NCMAP: variants seen among roughly 807,000 people sequenced by gnomAD.
NCMAP encodes noncompact myelin-associated protein.
Under a neutral mutation model 7.8 loss-of-function variants are expected in NCMAP, and 8 were observed. That is an observed-to-expected ratio of 1.02 (90% confidence interval 0.60 to 1.84). The LOEUF (loss-of-function observed/expected upper bound fraction) is 1.84. Ranked by LOEUF, NCMAP falls within the 40% of genes most tolerant of loss-of-function variation. NCMAP has a pLI of 0.00. For missense variants in NCMAP, 112 were observed against 131.4 expected (o/e 0.85, Z 0.72); for synonymous variants, 41 against 52.9 (o/e 0.78, Z 0.98).
intron 1 of NCMAP, among the ~76,000 whole-genome samples, chr1:24,575,915 CAAAAAAAAA>C (rs10549961): frequency 1.3e-4 from 10 of 79,544 alleles, no homozygotes; most frequent in African/African-American, 3.9e-4. Context: ...ATTGCACTCT[CAAAAAAAAA>C]AAAAAAAAAA....
intron 1 of NCMAP, among the ~76,000 whole-genome samples, chr1:24,573,413 C>A (rs974202176): frequency 3.3e-5 from 5 of 150,610 alleles, no homozygotes; most frequent in Non-Finnish European, 4.4e-5. Context: ...CATGGCGAAA[C>A]CCTGTCTCTA....
chr1:24,584,376 C>T (rs1462277604), intron 1 of NCMAP, among the ~76,000 whole-genome samples: 5 of 152,218 alleles, frequency 3.3e-5, no homozygotes, highest in Admixed American at 3.3e-4. Flanking sequence ...AGCCTTGTGA[C>T]CACTTTCAGC....
At chr1:24,605,285 T>C (rs185790126) in intron 3 of NCMAP, among the ~76,000 whole-genome samples, 32 of 152,310 alleles carry the variant, frequency 2.1e-4, no homozygotes, top group East Asian at 1.7e-3. Context: ...CTGGAAAATG[T>C]AATACATGCT....
intron 1 of NCMAP, among the ~76,000 whole-genome samples, chr1:24,589,843 G>A (rs1197966999): frequency 6.6e-6 from 1 of 152,096 alleles, no homozygotes; most frequent in Non-Finnish European, 1.5e-5. Flanking sequence ...TTTATTTTGA[G>A]ACAGAGTCTT....
intron 1 of NCMAP, among the ~76,000 whole-genome samples, chr1:24,568,621 GTTA>G (rs1247329934): frequency 1.1e-4 from 17 of 152,250 alleles, no homozygotes; most frequent in African/African-American, 3.9e-4. Flanking sequence ...AGAGGGTCCT[GTTA>G]TTACCTCCAC....
intron 1 of NCMAP, among the ~76,000 whole-genome samples, chr1:24,587,968 G>C (rs897984262): frequency 6.6e-6 from 1 of 151,498 alleles, no homozygotes; most frequent in Admixed American, 6.6e-5. Context: ...TTTTTTTTTA[G>C]GAGTTTAGGA....
chr1:24,589,275 C>T (rs934893384), intron 1 of NCMAP, among the ~76,000 whole-genome samples: 1 of 151,970 alleles, frequency 6.6e-6, no homozygotes, highest in Non-Finnish European at 1.5e-5. Flanking sequence ...TGGTCATGGC[C>T]CCTGGTCTTA....
chr1:24,571,795 A>G (rs1651397284), intron 1 of NCMAP, among the ~76,000 whole-genome samples: 1 of 150,464 alleles, frequency 6.6e-6, no homozygotes. Context: ...CATATTGGCC[A>G]GGCTGGTCAC....
At chr1:24,573,008 G>C (rs1651433911) in intron 1 of NCMAP, among the ~76,000 whole-genome samples, 1 of 150,608 alleles carries the variant, frequency 6.6e-6, no homozygotes, top group Non-Finnish European at 1.5e-5. Context: ...CCAGTGGTGG[G>C]CATGGAAAAG....
intron 1 of NCMAP, among the ~76,000 whole-genome samples, chr1:24,594,252 T>C (rs563027591): frequency 5.5e-4 from 84 of 152,196 alleles, no homozygotes; most frequent in South Asian, 1.0e-3. Flanking sequence ...TCTCAAAACT[T>C]CTTTCCAGTG....
At chr1:24,592,054 G>C (rs1652063558) in intron 1 of NCMAP, among the ~76,000 whole-genome samples, 1 of 152,212 alleles carries the variant, frequency 6.6e-6, no homozygotes, top group Non-Finnish European at 1.5e-5. Context: ...GAGAGACCTT[G>C]GGCAGGGACT....
At chr1:24,602,437 G>A (rs1456881623) in intron 3 of NCMAP, among the ~76,000 whole-genome samples, 1 of 146,788 alleles carries the variant, frequency 6.8e-6, no homozygotes, top group Non-Finnish European at 1.5e-5. Context: ...GGGCGCAGTG[G>A]TGGGCGCCTG....
chr1:24,606,011 A>G lies in NCMAP; in HGVS notation c.*264A>G. 1 of 440,984 alleles carries G rather than the reference A, an allele frequency of 2.3e-6. No homozygotes were observed. Among genetic ancestry groups the G allele is most frequent in the Non-Finnish European group, 4.1e-6 (1 of 244,400 alleles). The allele number at this position is 440,984 out of a possible 1,614,324, so 27.3% of individuals were successfully genotyped here. On this transcript the variant is annotated 3_prime_UTR_variant, in exon 4 of 4. Transcript: ENST00000374392. ...CTGATGAGGTAGAGCTATGTTGGGAATCCACCAATGTGGGCTTGGCTTTCC... is the reference window on the plus strand; with the variant it reads ...CTGATGAGGTAGAGCTATGTTGGGAGTCCACCAATGTGGGCTTGGCTTTCC...
chr1:24,563,558 A>G (rs1265752799), intron 1 of NCMAP: 1 of 151,732 alleles, frequency 6.6e-6, no homozygotes, highest in South Asian at 2.1e-4. Flanking sequence ...AAAAAGAAAG[A>G]AAAAGAAATT....
chr1:24,587,732 C>T (rs774065118), intron 1 of NCMAP, among the ~76,000 whole-genome samples: 1 of 152,032 alleles, frequency 6.6e-6, no homozygotes, highest in African/African-American at 2.4e-5. Context: ...AGGCTGGTCT[C>T]GAACTCCTGG....
intron 1 of NCMAP, among the ~76,000 whole-genome samples, chr1:24,577,409 T>TTTG (rs1651611500): frequency 7.0e-6 from 1 of 143,298 alleles, no homozygotes; most frequent in African/African-American, 2.6e-5. Flanking sequence ...TTGTTTTTTT[T>TTTG]TTTTTTTTTT....
rs778637116 is a variant in NCMAP, at chr1:24,596,818, C to T, written c.82+1306C>T. ...GAGTGAGTTCTGGGGAGGCATTTGC[C>T]GTGAACTAGTGGCCCCGGAAGGAAA... On this transcript the variant is annotated intron_variant, in intron 2 of 3. Coordinates refer to ENST00000374392, the MANE Select transcript of NCMAP (RefSeq NM_001010980.5). Among the ~76,000 whole-genome samples, 15 of 152,272 alleles carry T rather than the reference C, an allele frequency of 9.9e-5. No homozygotes were observed. The South Asian group carries it at 2.7e-3, about 27-fold the overall frequency.
intron 1 of NCMAP, among the ~76,000 whole-genome samples, chr1:24,561,160 C>T (rs1306206297): frequency 7.2e-6 from 1 of 138,048 alleles, no homozygotes; most frequent in Non-Finnish European, 1.5e-5. Context: ...TGGGGAAACA[C>T]CATCTCTACT....
intron 3 of NCMAP, among the ~76,000 whole-genome samples, chr1:24,601,754 A>G (rs1263884188): frequency 2.0e-5 from 3 of 152,136 alleles, no homozygotes; most frequent in Non-Finnish European, 4.4e-5. Flanking sequence ...ATATATTTGC[A>G]TATGGGCCAG....
Sources: allele counts gnomAD v4.1 joint callset (sites outside exome capture counted in the v4.1 genomes callset), GRCh38; gene constraint gnomAD v4.1.1; transcripts MANE v1.5; gene names NCBI Gene and HGNC (gene_info 2026-07-23, HGNC 2026-07-21).